The following SLCO4C1 variants were observed in gnomAD, a reference collection of about 807,000 sequenced individuals.
The protein encoded by SLCO4C1 is solute carrier organic anion transporter family member 4C1, also known as organic anion transporter M1.
SLCO4C1 carries 58 observed loss-of-function variants against 72.1 expected under a neutral mutation model. That is an observed-to-expected ratio of 0.80 (90% CI 0.65 to 1.00). SLCO4C1 has a LOEUF of 1.00. Among genes scored for constraint, SLCO4C1 ranks in the 50% least tolerant of loss-of-function variants. The pLI is 0.00. For missense variants in SLCO4C1, 898 were observed against 857.9 expected (o/e 1.05, Z -0.58); for synonymous variants, 297 against 312.5 (o/e 0.95, Z 0.52).
chr5:102,258,106 T>C lies in SLCO4C1; in HGVS notation c.1129-19A>G, dbSNP rs1176850369. 6.5e-7 allele frequency: 1 copy of C among 1,527,738 alleles called. No homozygotes were observed. Among genetic ancestry groups the C allele is most frequent in the African/African-American group, 1.4e-5 (1 of 70,354 alleles). The allele number at this position is 1,527,738 out of a possible 1,614,324, so 94.6% of individuals were successfully genotyped here. A position where few individuals can be genotyped will look rare whatever the true frequency, so the allele number is the denominator to read the frequency against. ...TCAAATTCTAAAGAAAAAAATACAG[T>C]TCCTCAAATGAATAGCTATGATTGT... On this transcript the variant is annotated intron_variant, in intron 6 of 12. Coordinates refer to ENST00000310954, the MANE Select transcript of SLCO4C1 (RefSeq NM_180991.5).
At position 102,291,488 on chromosome 5, in the gene SLCO4C1, C is replaced by A. The variant is rs138114759; in HGVS notation, c.474G>T (p.Leu158Phe). Residue 158 changes from leucine (L) to phenylalanine (F), a missense_variant, in exon 2 of 13, where the codon TTG becomes TTT. Leu to Phe is a conservative substitution (Grantham distance 22). Transcript: ENST00000310954. ...CACCAAAGAATGATACAAATAAAGA[C>A]AACAAACAGAATGAAATATCGTAGC... is the stretch of plus-strand genomic sequence containing the variant. ...SSSYDISFCL[L>F]SLFVSFFGER... 1 of 1,614,068 alleles carries A rather than the reference C, an allele frequency of 6.2e-7. No homozygotes were observed. The highest frequency in any genetic ancestry group is 8.5e-7 in the Non-Finnish European group (1 of 1,179,996).
intron 5 of SLCO4C1, among the ~76,000 whole-genome samples, chr5:102,261,334 C>T (rs924501956): frequency 6.6e-6 from 1 of 152,030 alleles, no homozygotes; most frequent in African/African-American, 2.4e-5. Context: ...ATTGCTTGAA[C>T]TCGGGAGGCA....
chr5:102,283,199 A>G (rs1317201716), intron 2 of SLCO4C1, among the ~76,000 whole-genome samples: 1 of 151,992 alleles, frequency 6.6e-6, no homozygotes, highest in African/African-American at 2.4e-5. Context: ...CCACAAAAAA[A>G]AAAAGACTTT....
At chr5:102,282,686 ATG>A (rs1269963992) in intron 2 of SLCO4C1, among the ~76,000 whole-genome samples, 1 of 152,032 alleles carries the variant, frequency 6.6e-6, no homozygotes, top group African/African-American at 2.4e-5. Context: ...AGGATTTTGA[ATG>A]TGTTTGTGAG....
intron 3 of SLCO4C1, among the ~76,000 whole-genome samples, chr5:102,267,812 T>C (rs1749070914): frequency 6.6e-6 from 1 of 152,036 alleles, no homozygotes; most frequent in African/African-American, 2.4e-5. Context: ...ATTGTATTTC[T>C]AATTTCATGT....
chr5:102,290,238 G>A (rs2112403166), intron 2 of SLCO4C1, among the ~76,000 whole-genome samples: 1 of 152,242 alleles, frequency 6.6e-6, no homozygotes, highest in East Asian at 1.9e-4. Context: ...TTTTTTGTTT[G>A]TAGAGTCTCA....
chr5:102,293,730 CTTT>C (rs1561384185), intron 1 of SLCO4C1, among the ~76,000 whole-genome samples: 1 of 147,542 alleles, frequency 6.8e-6, no homozygotes. Flanking sequence ...TTGGGTCACA[CTTT>C]TTATTATTAT....
chr5:102,295,821 C>CGG, intron 1 of SLCO4C1, 87 bp downstream of exon 1: 1 of 1,351,752 alleles, frequency 7.4e-7, no homozygotes, highest in Non-Finnish European at 1.0e-6. Context: ...CCCACGGACC[C>CGG]CGCGCACCTG....
intron 1 of SLCO4C1, 140 bp downstream of exon 1, chr5:102,295,768 C>CA: frequency 1.2e-6 from 1 of 805,578 alleles, no homozygotes; most frequent in Admixed American, 2.9e-5. Context: ...AGAGCGCAAG[C>CA]AAGTTCCAAA....
rs146059465 is a variant in SLCO4C1 at position 102,273,030 on chromosome 5, T to C, written c.620-2224A>G. The stretch of plus-strand genomic sequence containing the variant: ...CAAACATGGGCTAAATAACTCAGTA[T>C]CATGTTTTGTTCTATAAAACATAAA... On this transcript the variant is annotated intron_variant, in intron 2 of 12. Coordinates refer to ENST00000310954, the MANE Select transcript of SLCO4C1 (RefSeq NM_180991.5). Among the ~76,000 whole-genome samples the C allele has an allele frequency of 4.9e-3, 747 of 151,956 alleles. 1 individual carries two copies. The highest frequency in any genetic ancestry group is 7.9e-3 in the Non-Finnish European group (539 of 67,964).
rs1278574148 is a variant in SLCO4C1, at chr5:102,235,394, A to C, written c.*1464T>G. 2 of 152,200 alleles carry C rather than the reference A, an allele frequency of 1.3e-5. No individual in the cohort carries two copies. The highest frequency in any genetic ancestry group is 2.9e-5 in the Non-Finnish European group (2 of 68,042). 9.4% of individuals were successfully genotyped at this position (152,200 alleles called of 1,614,324 possible). A position where few individuals can be genotyped will look rare whatever the true frequency, so the allele number is the denominator to read the frequency against. On this transcript the variant is annotated 3_prime_UTR_variant, in exon 13 of 13. Coordinates refer to ENST00000310954, the MANE Select transcript of SLCO4C1 (RefSeq NM_180991.5). The stretch of plus-strand genomic sequence containing the variant: ...GGATTTGAACTTCAATACTTTTCCT[A>C]AGTAAAATTCTTAACCATGGTAGAA...
chr5:102,263,953 C>T (rs1317277443), intron 3 of SLCO4C1, among the ~76,000 whole-genome samples, 173 bp from the exon 4 acceptor site: 2 of 152,008 alleles, frequency 1.3e-5, no homozygotes, highest in African/African-American at 4.8e-5. Context: ...GTCAAAAATC[C>T]TAAAACACAT....
At chr5:102,249,535 G>T in intron 9 of SLCO4C1, 103 bp downstream of exon 9, 1 of 1,207,380 alleles carries the variant, frequency 8.3e-7, no homozygotes, top group Non-Finnish European at 1.2e-6. Flanking sequence ...GGAGGCAATG[G>T]AGCAGGAAGG....
intron 2 of SLCO4C1, among the ~76,000 whole-genome samples, chr5:102,272,246 G>A (rs1333033264): frequency 6.6e-6 from 1 of 152,108 alleles, no homozygotes; most frequent in Non-Finnish European, 1.5e-5. Context: ...TTTATTTATG[G>A]CGGCTTGATC....
rs114878064 is a variant in SLCO4C1 at position 102,267,343 on chromosome 5, T to C, written c.802+3281A>G. 4.3e-3 allele frequency among the ~76,000 whole-genome samples: 659 copies of C among 152,276 alleles called. 3 individuals are homozygous for C. The highest frequency in any genetic ancestry group is 0.015 in the African/African-American group (628 of 41,584). ...ACCAAGTTTTCTATTTCTTCCTGGA[T>C]CAATCTTGGTAGGTTGTATGTGCCT... On this transcript the variant is annotated intron_variant, in intron 3 of 12. Coordinates refer to ENST00000310954, the MANE Select transcript of SLCO4C1 (RefSeq NM_180991.5).
chr5:102,239,387 C>T lies in SLCO4C1; in HGVS notation c.1878G>A (p.Gly626=), dbSNP rs62370437. The change falls in exon 12 of 13, where the codon GGG becomes GGA. Residue 626 remains glycine, a splice_region_variant and synonymous_variant. Transcript: ENST00000310954. ...CAAATATAATTGGTCCAGGAATTGTCCCTAAAAGAATTATGGGTGAAATAT... is the reference window on the plus strand; with the variant it reads ...CAAATATAATTGGTCCAGGAATTGTTCCTAAAAGAATTATGGGTGAAATAT... The part of the protein sequence containing the change: ...GIQFMVLRLL[G]TIPGPIIFGF... 0.43 allele frequency: 674,345 copies of T among 1,555,662 alleles called. 150,658 individuals are homozygous for T. Among genetic ancestry groups the T allele is most frequent in the Non-Finnish European group, 0.46 (530,955 of 1,152,056 alleles).
intron 2 of SLCO4C1, among the ~76,000 whole-genome samples, chr5:102,277,526 T>C (rs1749268485): frequency 6.6e-6 from 1 of 152,130 alleles, no homozygotes; most frequent in African/African-American, 2.4e-5. Flanking sequence ...GTGGTGTCAG[T>C]AGAAGAGTAG....
intron 2 of SLCO4C1, among the ~76,000 whole-genome samples, chr5:102,284,439 C>A (rs1488558006): frequency 2.0e-5 from 3 of 152,112 alleles, no homozygotes; most frequent in African/African-American, 7.2e-5. Flanking sequence ...GCAGATAGAG[C>A]AGATTTTACC....
In SLCO4C1 at chr5:102,236,675, G is replaced by A. The variant is rs1332840547; in HGVS notation, c.*183C>T. On this transcript the variant is annotated 3_prime_UTR_variant, in exon 13 of 13. Transcript: ENST00000310954. Reference sequence around the variant, plus strand: ...TTGAGGCTTTACGTGGGCTTTGAAGGCACAGGTCTGTTTCTTGCATAAAAC... The same window carrying A: ...TTGAGGCTTTACGTGGGCTTTGAAGACACAGGTCTGTTTCTTGCATAAAAC... 1.5e-5 allele frequency: 8 copies of A among 537,634 alleles called. No homozygotes were observed. The highest frequency in any genetic ancestry group is 1.1e-4 in the Admixed American group (3 of 27,534). The allele number at this position is 537,634 out of a possible 1,614,324, so 33.3% of individuals were successfully genotyped here.
Sources: allele counts gnomAD v4.1 joint callset (sites outside exome capture counted in the v4.1 genomes callset), GRCh38; gene constraint gnomAD v4.1.1; transcripts MANE v1.5; gene names NCBI Gene and HGNC (gene_info 2026-07-23, HGNC 2026-07-21).